Variants in KCNK7 observed in about 807,000 individuals in gnomAD.
The protein encoded by KCNK7 is potassium two pore domain channel subfamily K member 7.
A neutral mutation model predicts 18.1 loss-of-function variants in KCNK7; 14 were observed. That is an observed-to-expected ratio of 0.77 (90% CI 0.51 to 1.21). The LOEUF is 1.21. Ranked by LOEUF, KCNK7 falls within the 50% of genes most tolerant of loss-of-function variation. KCNK7 has a pLI of 0.00. For missense variants in KCNK7, 385 were observed against 387.3 expected (o/e 0.99, Z 0.05); for synonymous variants, 188 against 184.7 (o/e 1.02, Z -0.15).
rs1243126416 is a variant in KCNK7, at chr11:65,593,621, C to T, written c.573G>A (p.Trp191Ter). 3.1e-6 allele frequency: 5 copies of T among 1,605,078 alleles called. No individual in the cohort carries two copies. Among genetic ancestry groups the T allele is most frequent in the Admixed American group, 1.7e-5 (1 of 59,958 alleles). Residue 191 changes from tryptophan to a stop codon, truncating the protein, a stop_gained, in exon 2 of 3, where the codon TGG (tryptophan) becomes TGA (stop). Transcript: ENST00000340313. LOFTEE classifies it high-confidence loss of function. Reference sequence around the variant, plus strand: ...GCAGGCTGCAGTCGCCCTGAAGGCCCCACAGCACCAGCGCTGGCAGCAGCA... The same window carrying T: ...GCAGGCTGCAGTCGCCCTGAAGGCCTCACAGCACCAGCGCTGGCAGCAGCA... ...SFVLLPALVL[W>*]GLQGDCSLLG...
At chr11:65,594,956 G>T (rs948801139) in intron 1 of KCNK7, among the ~76,000 whole-genome samples, 4 of 152,112 alleles carry the variant, frequency 2.6e-5, no homozygotes, top group African/African-American at 9.7e-5. Flanking sequence ...ACCCAGGGCT[G>T]TGGGTCTCAT....
At chr11:65,594,361 G>A (rs988015146) in intron 1 of KCNK7, among the ~76,000 whole-genome samples, 1 of 152,244 alleles carries the variant, frequency 6.6e-6, no homozygotes, top group Non-Finnish European at 1.5e-5. Flanking sequence ...GTGGGAGTGC[G>A]GGGTGTGCTG....
intron 1 of KCNK7, among the ~76,000 whole-genome samples, chr11:65,594,484 C>G (rs1854311668): frequency 2.0e-5 from 3 of 152,184 alleles, no homozygotes; most frequent in Admixed American, 2.0e-4. Context: ...TGAGCTGTAT[C>G]CAAAGGGCAG....
intron 1 of KCNK7, among the ~76,000 whole-genome samples, chr11:65,594,919 A>C (rs1184563684): frequency 6.6e-6 from 1 of 151,864 alleles, no homozygotes; most frequent in Non-Finnish European, 1.5e-5. Context: ...AAATACTGAG[A>C]CACTTTGTGG....
In KCNK7 at chr11:65,593,191, G is replaced by C; in HGVS notation, c.738C>G (p.Leu246=). The stretch of plus-strand genomic sequence containing the variant: ...TCTCCACTGCCAGCAGCATGGCCAA[G>C]AGTCCTAGAAGCAAGTAACCTGGGG... ...LALLGYLLLG[L]LAMLLAVETF... is the part of the protein sequence containing the mutation. The change falls in exon 3 of 3, where the codon CTC becomes CTG. Residue 246 remains leucine (L), a synonymous_variant. Transcript: ENST00000340313. The C allele has an allele frequency of 6.2e-7, 1 of 1,613,472 alleles. No homozygotes were observed. The highest frequency in any genetic ancestry group is 8.5e-7 in the Non-Finnish European group (1 of 1,179,724).
chr11:65,593,042 G>A lies in KCNK7; in HGVS notation c.887C>T (p.Pro296Leu), dbSNP rs1858442076. 3 of 1,613,460 alleles carry A rather than the reference G, an allele frequency of 1.9e-6. No individual in the cohort carries two copies. Among genetic ancestry groups the A allele is most frequent in the South Asian group, 1.1e-5 (1 of 91,066 alleles). ...QDELALSTLP[P>L]AAPASGQAPA... ...GGCTTGTCCTGAAGCTGGGGCCGCGGGCGGCAGGGTGCTCAGAGCCAGTTC... is the reference window on the plus strand; with the variant it reads ...GGCTTGTCCTGAAGCTGGGGCCGCGAGCGGCAGGGTGCTCAGAGCCAGTTC... The change falls in exon 3 of 3, where the codon CCC becomes CTC. Residue 296 changes from proline (P) to leucine (L), a missense_variant. Physicochemically the swap from Pro to Leu is moderately conservative, Grantham distance 98 (BLOSUM62 -3). Transcript: ENST00000340313.
At chr11:65,593,908 T>G (rs760288179) in intron 1 of KCNK7, 34 bp from the exon 2 acceptor site, 107 of 1,503,130 alleles carry the variant, frequency 7.1e-5, no homozygotes, top group Non-Finnish European at 8.8e-5. Flanking sequence ...CAGTGAGAGC[T>G]CTGAGTGCCA....
chr11:65,595,589 C>T lies in KCNK7; in HGVS notation c.184G>A (p.Ala62Thr), dbSNP rs377428429. ...AEHRACLPPG[A>T]LEELLGTALA... ...GCAGTGCCCAGCAGCTCTTCCAGAGCTCCGGGTGGCAGGCAGGCCCTATGC... is the reference window on the plus strand; with the variant it reads ...GCAGTGCCCAGCAGCTCTTCCAGAGTTCCGGGTGGCAGGCAGGCCCTATGC... Residue 62 changes from alanine (A) to threonine (T), a missense_variant, in exon 1 of 3, where the codon GCT becomes ACT. Ala to Thr is a moderately conservative substitution (Grantham distance 58, BLOSUM62 0). Transcript: ENST00000340313. The T allele has an allele frequency of 9.0e-5, 144 of 1,593,190 alleles. No individual in the cohort carries two copies. Among genetic ancestry groups the T allele is most frequent in the Non-Finnish European group, 1.1e-4 (134 of 1,166,924 alleles).
At position 65,595,742 on chromosome 11, in the gene KCNK7, C is replaced by G; in HGVS notation, c.31G>C (p.Gly11Arg). Residue 11 changes from glycine (G) to arginine (R), a missense_variant, in exon 1 of 3, where the codon GGG becomes CGG. Gly to Arg is a moderately radical substitution (Grantham distance 125). Coordinates refer to ENST00000340313, the MANE Select transcript of KCNK7 (RefSeq NM_033347.2). MGGLRPWSRY[G>R]LLVVAHLLAL... is the part of the protein sequence containing the mutation. ...AGCAAGTGGGCCACAACCAGGAGCC[C>G]GTATCGGGACCAGGGCCTTAGACCC... 1 of 1,568,550 alleles carries G rather than the reference C, an allele frequency of 6.4e-7. No individual in the cohort carries two copies. The highest frequency in any genetic ancestry group is 8.7e-7 in the Non-Finnish European group (1 of 1,151,398).
At position 65,593,739 on chromosome 11, in the gene KCNK7, C is replaced by T. The variant is rs752441429; in HGVS notation, c.455G>A (p.Arg152His). Residue 152 changes from arginine (R) to histidine (H), a missense_variant, in exon 2 of 3, where the codon CGT (arginine) becomes CAT (histidine). Transcript: ENST00000340313. ...HCLLPVLSRP[R>H]AWVAVHWQLS... ...CTGCCAGTGGACCGCTACCCAGGCACGTGGGCGGCTGAGCACAGGCAGCAG... is the reference window on the plus strand; with the variant it reads ...CTGCCAGTGGACCGCTACCCAGGCATGTGGGCGGCTGAGCACAGGCAGCAG... The T allele has an allele frequency of 1.4e-5, 22 of 1,610,926 alleles. No homozygotes were observed. Among genetic ancestry groups the T allele is most frequent in the Admixed American group, 3.3e-5 (2 of 59,968 alleles).
At chr11:65,595,366 A>G in intron 1 of KCNK7, 88 bp downstream of exon 1, 1 of 1,199,056 alleles carries the variant, frequency 8.3e-7, no homozygotes, top group South Asian at 2.7e-5. Context: ...TTTGGGGCTG[A>G]AGGAAGGGCT....
chr11:65,595,395 C>G, intron 1 of KCNK7, 59 bp downstream of exon 1: 1 of 1,345,706 alleles, frequency 7.4e-7, no homozygotes, highest in South Asian at 2.1e-5. Flanking sequence ...CCCAAAGCCC[C>G]CAGGGAGCCA....
chr11:65,593,450 A>C, intron 2 of KCNK7, 26 bp downstream of exon 2: 2 of 1,613,316 alleles, frequency 1.2e-6, no homozygotes, highest in Non-Finnish European at 8.5e-7. Context: ...CCCTTCCCCC[A>C]CACGCTGTTA....
In KCNK7 at chr11:65,593,537, C is replaced by T. The variant is rs778884610; in HGVS notation, c.657G>A (p.Leu219=). 1.2e-6 allele frequency: 2 copies of T among 1,611,664 alleles called. No homozygotes were observed. The highest frequency in any genetic ancestry group is 1.7e-6 in the Non-Finnish European group (2 of 1,179,994). The change falls in exon 2 of 3, where the codon CTG becomes CTA. Residue 219 remains leucine, a synonymous_variant. Transcript: ENST00000340313. The part of the protein sequence containing the change: ...SLSTIGLEDL[L]PGRGRSLHPV... ...GGTGCAGGCTGCGGCCGCGGCCGGG[C>T]AGCAAGTCCTCCAGGCCAATGGTGC... is the stretch of plus-strand genomic sequence containing the variant.
rs1440871481 is a variant in KCNK7 at position 65,592,984 on chromosome 11, T to G, written c.*21A>C. Reference sequence around the variant, plus strand: ...CTCAGGTGCCGCCACCTTACGGAGCTGAACTCGGTCACCTGACGCTTCAGC... The same window carrying G: ...CTCAGGTGCCGCCACCTTACGGAGCGGAACTCGGTCACCTGACGCTTCAGC... On this transcript the variant is annotated 3_prime_UTR_variant, in exon 3 of 3. Coordinates refer to ENST00000340313, the MANE Select transcript of KCNK7 (RefSeq NM_033347.2). The G allele has an allele frequency of 6.2e-7, 1 of 1,609,136 alleles. No individual in the cohort carries two copies. The highest frequency in any genetic ancestry group is 8.5e-7 in the Non-Finnish European group (1 of 1,178,186).
chr11:65,594,294 T>C (rs749112), intron 1 of KCNK7, among the ~76,000 whole-genome samples: 101,367 of 151,964 alleles, frequency 0.67, 35,309 homozygotes, highest in Middle Eastern at 0.8. Flanking sequence ...AGGCAAATCA[T>C]GAAGGGCTGC....
Position 65,595,724 on chromosome 11 carries a change from G to A in KCNK7, c.49C>T (p.His17Tyr). 6.3e-7 allele frequency: 1 copy of A among 1,587,206 alleles called. No individual in the cohort carries two copies. The highest frequency in any genetic ancestry group is 8.6e-7 in the Non-Finnish European group (1 of 1,163,254). The part of the protein sequence containing the change: ...WSRYGLLVVA[H>Y]LLALGLGAVV... ...GCCCCAAGCCCCAGGGCCAGCAAGT[G>A]GGCCACAACCAGGAGCCCGTATCGG... Residue 17 changes from histidine to tyrosine, a missense_variant, in exon 1 of 3, where the codon CAC (histidine) becomes TAC (tyrosine). His to Tyr is a moderately conservative substitution (Grantham distance 83). Coordinates refer to ENST00000340313, the MANE Select transcript of KCNK7 (RefSeq NM_033347.2).
At chr11:65,594,014 C>A (rs1854294507) in intron 1 of KCNK7, 140 bp from the exon 2 acceptor site, 2 of 856,308 alleles carry the variant, frequency 2.3e-6, no homozygotes, top group Non-Finnish European at 1.7e-6. Flanking sequence ...CTAGCTGGCT[C>A]TGCTCCTCTT....
rs1854329410 is a variant in KCNK7, at chr11:65,595,356, T to G, written c.319+98A>C. Reference sequence around the variant, plus strand: ...ACAGGGCCTGGGCTCCATCTGGCTCTTTGGGGCTGAAGGAAGGGCTGCATG... The same window carrying G: ...ACAGGGCCTGGGCTCCATCTGGCTCGTTGGGGCTGAAGGAAGGGCTGCATG... On this transcript the variant is annotated intron_variant, in intron 1 of 2. Transcript: ENST00000340313. 1.3e-5 allele frequency: 15 copies of G among 1,150,290 alleles called. No homozygotes were observed. In the South Asian group the frequency reaches 4.2e-4, roughly 32 times the overall value. 71.3% of individuals were successfully genotyped at this position (1,150,290 alleles called of 1,614,324 possible). A position where few individuals can be genotyped will look rare whatever the true frequency, so the allele number is the denominator to read the frequency against.
Sources: gnomAD v4.1 joint callset for allele counts (sites outside exome capture counted in the v4.1 genomes callset) on GRCh38, gnomAD v4.1.1 for gene constraint, MANE v1.5 for transcripts, NCBI Gene and HGNC (gene_info 2026-07-23, HGNC 2026-07-21) for gene names.